DTNA: variants seen among roughly 807,000 people sequenced by gnomAD.
The protein encoded by DTNA is dystrophin-related protein 3.
Under a neutral mutation model 100.7 loss-of-function variants are expected in DTNA, and 43 were observed. The observed-to-expected ratio is 0.43, with a 90% CI of 0.33 to 0.55. The LOEUF is 0.55. Ranked by LOEUF, DTNA falls within the 20% of genes least tolerant of loss-of-function variation. DTNA has a pLI of 0.04. For missense variants in DTNA, 798 were observed against 953.9 expected, an observed-to-expected ratio of 0.84 and a Z score of 2.15; for synonymous variants, 349 against 347.9, an observed-to-expected ratio of 1.00 and a Z score of -0.04.
intron 17 of DTNA, chr18:34,866,412 AG>A: frequency 7.6e-7 from 1 of 1,323,374 alleles, no homozygotes. Flanking sequence ...AGATCCCCAG[AG>A]GTATAAGTTT....
chr18:34,562,620 C>T (rs2046739575), intron 1 of DTNA, among the ~76,000 whole-genome samples: 1 of 152,162 alleles, frequency 6.6e-6, no homozygotes, highest in Non-Finnish European at 1.5e-5. Context: ...GTAATAGGGA[C>T]TCTTACCTGA....
At chr18:34,686,887 C>T (rs558021381) in intron 1 of DTNA, among the ~76,000 whole-genome samples, 5 of 151,908 alleles carry the variant, frequency 3.3e-5, no homozygotes, top group Non-Finnish European at 7.4e-5. Context: ...TGTATGTGTC[C>T]AAGAATTTAT....
At chr18:34,668,392 AT>A (rs1208372887) in intron 1 of DTNA, among the ~76,000 whole-genome samples, 1 of 152,026 alleles carries the variant, frequency 6.6e-6, no homozygotes, top group Admixed American at 6.5e-5. Flanking sequence ...GGATTCGTTG[AT>A]TTTTTGAAGG....
At chr18:34,671,159 T>C (rs945574740) in intron 1 of DTNA, among the ~76,000 whole-genome samples, 5 of 152,116 alleles carry the variant, frequency 3.3e-5, no homozygotes, top group African/African-American at 1.2e-4. Context: ...TGCCACCTTA[T>C]AGTTGGATCT....
At chr18:34,510,085 G>GTGTGTGTT (rs1298025190) in intron 1 of DTNA, among the ~76,000 whole-genome samples, 1 of 150,346 alleles carries the variant, frequency 6.7e-6, no homozygotes, top group Non-Finnish European at 1.5e-5. Context: ...GTGTGTGTGT[G>GTGTGTGTT]TGTGTGTGGT....
chr18:34,580,611 G>A (rs958804569), intron 1 of DTNA, among the ~76,000 whole-genome samples: 15 of 152,294 alleles, frequency 9.8e-5, no homozygotes, highest in Admixed American at 2.0e-4. Context: ...GGAAGACTGA[G>A]AATAGCATTG....
Position 34,838,171 on chromosome 18 carries a change from G to A in DTNA, c.1253G>A (p.Gly418Glu), listed in dbSNP as rs1195188959. ...GCTCCAGCTTTTCTGAAGGGCAAAG[G>A]GTAAGTTACAGCCAGAGTGTACTGG... is the stretch of plus-strand genomic sequence containing the variant. ...RAAPAFLKGK[G>E]IQYSLNVADR... The change falls in exon 12 of 23, where the codon GGG (glycine) becomes GAG (glutamate). Residue 418 changes from glycine (G) to glutamate (E), a missense_variant and splice_region_variant. Physicochemically the swap from Gly to Glu is moderately conservative, Grantham distance 98. Transcript: ENST00000444659. The A allele has an allele frequency of 3.7e-6, 6 of 1,613,668 alleles. No individual in the cohort carries two copies. Among genetic ancestry groups the A allele is most frequent in the East Asian group, 2.2e-5 (1 of 44,854 alleles).
chr18:34,718,401 G>C (rs2084521896), intron 1 of DTNA, among the ~76,000 whole-genome samples: 1 of 152,040 alleles, frequency 6.6e-6, no homozygotes, highest in African/African-American at 2.4e-5. Context: ...ATATAATTAG[G>C]CATCGTTTAG....
At position 34,794,053 on chromosome 18, in the gene DTNA, A is replaced by G. The variant is rs1479353961; in HGVS notation, c.165A>G (p.Ile55Met). 1.2e-6 allele frequency: 2 copies of G among 1,614,046 alleles called. No individual in the cohort carries two copies. Residue 55 changes from isoleucine (I) to methionine (M), a missense_variant, in exon 4 of 23, where the codon ATA becomes ATG. By Grantham distance (10) the Ile-to-Met change is conservative. Around this residue, in one of 6 missense-constraint regions of DTNA, gnomAD observed 197 missense variants for 215.4 expected, o/e 0.91. Coordinates refer to ENST00000444659, the MANE Select transcript of DTNA (RefSeq NM_001386795.1). The part of the protein sequence containing the change: ...QKKCNLHLVD[I>M]WNVIEALREN... ...TAATTGTAGTGCACCTGGTGGACAT[A>G]TGGAATGTCATAGAAGCATTGCGGG... is the stretch of plus-strand genomic sequence containing the variant.
At chr18:34,697,120 A>C (rs193221286) in intron 1 of DTNA, among the ~76,000 whole-genome samples, 1 of 149,984 alleles carries the variant, frequency 6.7e-6, no homozygotes, top group Admixed American at 6.6e-5. Context: ...TCTAAAAAGT[A>C]CAAAGGCTAA....
rs964114580 is a variant in DTNA, at chr18:34,887,973, G to T, written c.*239G>T. The stretch of plus-strand genomic sequence containing the variant: ...CAGCTAACTTTTTGTTCTCAGATTT[G>T]TAGTGCATAGGTGTGTGTTTCAAGA... On this transcript the variant is annotated 3_prime_UTR_variant, in exon 23 of 23. Coordinates refer to ENST00000444659, the MANE Select transcript of DTNA (RefSeq NM_001386795.1). The T allele has an allele frequency of 7.1e-6, 7 of 985,532 alleles. No homozygotes were observed. The highest frequency in any genetic ancestry group is 7.2e-6 in the Non-Finnish European group (6 of 829,920). The allele number at this position is 985,532 out of a possible 1,614,324, so 61.0% of individuals were successfully genotyped here.
intron 1 of DTNA, among the ~76,000 whole-genome samples, chr18:34,669,623 TG>T (rs1380827722): frequency 1.3e-5 from 2 of 152,192 alleles, no homozygotes; most frequent in African/African-American, 2.4e-5. Context: ...GCAGGCCTGG[TG>T]GTGACAAAAT....
At chr18:34,800,123 G>T (rs530823095) in intron 4 of DTNA, among the ~76,000 whole-genome samples, 1 of 152,120 alleles carries the variant, frequency 6.6e-6, no homozygotes, top group African/African-American at 2.4e-5. Context: ...CATTATCATC[G>T]TATTCAAACA....
intron 13 of DTNA, among the ~76,000 whole-genome samples, chr18:34,842,590 A>G (rs1011523309): frequency 7.2e-5 from 11 of 151,962 alleles, no homozygotes; most frequent in African/African-American, 2.7e-4. Flanking sequence ...ACATTTAGTC[A>G]TGTCAATTTT....
intron 3 of DTNA, among the ~76,000 whole-genome samples, chr18:34,788,942 T>C (rs9954362): frequency 0.025 from 3,843 of 152,322 alleles, 169 homozygotes; most frequent in African/African-American, 0.087. Context: ...TTCTTGATCA[T>C]CTATTATGTA....
At chr18:34,511,735 C>A (rs927364492) in intron 1 of DTNA, among the ~76,000 whole-genome samples, 4 of 152,014 alleles carry the variant, frequency 2.6e-5, no homozygotes, top group Admixed American at 6.6e-5. Context: ...TATACAGAAT[C>A]AGAGTCTGCT....
intron 1 of DTNA, among the ~76,000 whole-genome samples, chr18:34,545,318 G>C (rs1430864506): frequency 6.6e-6 from 1 of 152,080 alleles, no homozygotes; most frequent in Non-Finnish European, 1.5e-5. Flanking sequence ...AGGAACCTCT[G>C]CTGGGTGTTG....
intron 1 of DTNA, among the ~76,000 whole-genome samples, chr18:34,659,879 T>A (rs1249655773): frequency 6.6e-6 from 1 of 152,354 alleles, no homozygotes; most frequent in African/African-American, 2.4e-5. Context: ...CAGTAATGGC[T>A]GCCTACGGCT....
rs931422361 is a variant in DTNA at position 34,619,789 on chromosome 18, G to A, written c.-2+126275G>A. Among the ~76,000 whole-genome samples the A allele has an allele frequency of 1.1e-4, 17 of 152,308 alleles. 1 individual carries two copies. Among genetic ancestry groups the A allele is most frequent in the East Asian group, 7.7e-4 (4 of 5,190 alleles). ...TAAATGGGATGACATATCTGGTGTA[G>A]AGATACTGATTTAAAAGTCATTTGT... On this transcript the variant is annotated intron_variant, in intron 1 of 19. Transcript: ENST00000283365.
Sources: allele counts gnomAD v4.1 joint callset (sites outside exome capture counted in the v4.1 genomes callset), GRCh38; gene constraint gnomAD v4.1.1; regional missense constraint gnomAD v4.1.1; transcripts MANE v1.5; gene names NCBI Gene and HGNC (gene_info 2026-07-23, HGNC 2026-07-21).